The following SMIM9 variants were observed in gnomAD, a reference collection of about 807,000 sequenced individuals.
SMIM9 encodes the protein small integral membrane protein 9.
SMIM9 carries 8 observed loss-of-function variants against 7.2 expected under a neutral mutation model. The observed-to-expected ratio is 1.10, with a 90% confidence interval of 0.65 to 1.99. SMIM9 has a LOEUF of 1.99. SMIM9 is among the 30% of genes most tolerant of loss of function. SMIM9 has a pLI of 0.00. For missense variants in SMIM9, 76 were observed against 69.3 expected, an observed-to-expected ratio of 1.10 and a Z score of -0.34; for synonymous variants, 19 against 26.4, an observed-to-expected ratio of 0.72 and a Z score of 0.86.
At chrX:154,824,085 C>T (rs1557270057) in intron 4 of SMIM9, among the ~76,000 whole-genome samples, 1 of 110,855 alleles carries the variant, frequency 9.0e-6, no homozygotes, top group African/African-American at 3.3e-5. Context: ...GGGCCGGGCG[C>T]GGTGGCTCAC....
chrX:154,833,987 C>T (rs2072456479), intron 1 of SMIM9, among the ~76,000 whole-genome samples: 1 of 111,453 alleles, frequency 9.0e-6, no homozygotes, highest in Non-Finnish European at 1.9e-5. Context: ...ACCCAGCCAA[C>T]AGGCCTGAAT....
chrX:154,824,361 A>AG (rs1415765697), intron 4 of SMIM9, among the ~76,000 whole-genome samples: 1 of 99,366 alleles, frequency 1.0e-5, no homozygotes, highest in Non-Finnish European at 1.9e-5. Flanking sequence ...GTCTCAAAAA[A>AG]AAAAAAAAAA....
intron 2 of SMIM9, among the ~76,000 whole-genome samples, chrX:154,831,672 C>T (rs1266194583): frequency 9.0e-6 from 1 of 111,039 alleles, no homozygotes; most frequent in East Asian, 2.8e-4. Flanking sequence ...TTACTGCTGA[C>T]CACATATCCT....
intron 1 of SMIM9, among the ~76,000 whole-genome samples, chrX:154,833,097 G>C (rs190054868): frequency 4.7e-4 from 52 of 111,089 alleles, no homozygotes; most frequent in Non-Finnish European, 7.9e-4. Flanking sequence ...TCTATGTGTG[G>C]ATATTTTTAT....
At chrX:154,832,388 A>G (rs1170090538) in intron 2 of SMIM9, among the ~76,000 whole-genome samples, 186 bp downstream of exon 2, 1 of 112,150 alleles carries the variant, frequency 8.9e-6, no homozygotes, top group Non-Finnish European at 1.9e-5. Context: ...TTGCTCTGAT[A>G]ATTTCAAGCC....
At chrX:154,824,067 C>T (rs1336321411) in intron 4 of SMIM9, among the ~76,000 whole-genome samples, 1 of 111,099 alleles carries the variant, frequency 9.0e-6, no homozygotes, top group Non-Finnish European at 1.9e-5. Flanking sequence ...GTAGAAAGAT[C>T]AGAAAGTGGG....
chrX:154,832,898 T>C (rs782596801), intron 1 of SMIM9, among the ~76,000 whole-genome samples: 2 of 112,443 alleles, frequency 1.8e-5, no homozygotes, highest in South Asian at 7.3e-4. Context: ...GGTATCTAAC[T>C]ATGCATTATA....
chrX:154,829,665 C>T lies in SMIM9; in HGVS notation c.143-1G>A. 1 of 1,167,282 alleles carries T rather than the reference C, an allele frequency of 8.6e-7. No homozygotes were observed. Among genetic ancestry groups the T allele is most frequent in the South Asian group, 1.9e-5 (1 of 52,650 alleles). ...TTGTTCAGCCAGGACCTGTGATTACCTGCAGAAAGAGCATAGACATTCATT... is the reference window on the plus strand; with the variant it reads ...TTGTTCAGCCAGGACCTGTGATTACTTGCAGAAAGAGCATAGACATTCATT... On this transcript the variant is annotated splice_acceptor_variant, in intron 3 of 4. Transcript: ENST00000369529. LOFTEE classifies it high-confidence loss of function.
chrX:154,830,849 G>A lies in SMIM9; in HGVS notation c.8C>T (p.Pro3Leu). ...AAATCCAATTATCAGCAGCTTCTGG[G>A]GTTCCATGGACTCCCGCCTTCAGCT... Reference protein sequence around the residue: MEPQKLLIIGFLL... With the variant: MELQKLLIIGFLL... The change falls in exon 3 of 5, where the codon CCC becomes CTC. Residue 3 changes from proline (P) to leucine (L), a missense_variant. Pro to Leu is a moderately conservative substitution (Grantham distance 98). Coordinates refer to ENST00000369529, the MANE Select transcript of SMIM9 (RefSeq NM_001162936.4). 8.6e-7 allele frequency: 1 copy of A among 1,166,308 alleles called. No individual in the cohort carries two copies. The highest frequency in any genetic ancestry group is 1.1e-6 in the Non-Finnish European group (1 of 872,244).
chrX:154,830,669 T>G (rs1056125197), intron 3 of SMIM9, 46 bp downstream of exon 3: 6 of 1,146,868 alleles, frequency 5.2e-6, no homozygotes, highest in Non-Finnish European at 5.8e-6. Flanking sequence ...AACATGAATC[T>G]TAAGTCCTAT....
At chrX:154,826,391 C>T (rs1435501422) in intron 4 of SMIM9, among the ~76,000 whole-genome samples, 1 of 110,181 alleles carries the variant, frequency 9.1e-6, no homozygotes, top group African/African-American at 3.3e-5. Context: ...TTTGGTATAC[C>T]TTATCTGCCC....
At chrX:154,828,213 G>C (rs2072429575) in intron 4 of SMIM9, among the ~76,000 whole-genome samples, 1 of 111,761 alleles carries the variant, frequency 8.9e-6, no homozygotes, top group African/African-American at 3.3e-5. Flanking sequence ...CAGAGTATCT[G>C]GGTGATGCTT....
In SMIM9 at chrX:154,834,622, T is replaced by C; in HGVS notation, c.-269A>G. ...GATGAGATTGGAGTCATGTATCTGC[T>C]GGGACTGCAGTCATCTGAAAGCTTG... On this transcript the variant is annotated 5_prime_UTR_variant, in exon 1 of 5. Coordinates refer to ENST00000369529, the MANE Select transcript of SMIM9 (RefSeq NM_001162936.4). 8.9e-6 allele frequency: 1 copy of C among 111,829 alleles called. No homozygotes were observed. The highest frequency in any genetic ancestry group is 4.6e-3 in the Middle Eastern group (1 of 217). The allele number at this position is 111,829 out of a possible 1,213,427, so 9.2% of individuals were successfully genotyped here. A position where few individuals can be genotyped will look rare whatever the true frequency, so the allele number is the denominator to read the frequency against.
At chrX:154,824,993 G>C (rs966804197) in intron 4 of SMIM9, among the ~76,000 whole-genome samples, 2 of 112,394 alleles carry the variant, frequency 1.8e-5, no homozygotes, top group African/African-American at 6.5e-5. Flanking sequence ...GTATTACTGA[G>C]AGTCTACTAT....
At chrX:154,825,636 C>A (rs1443437727) in intron 4 of SMIM9, among the ~76,000 whole-genome samples, 4 of 109,746 alleles carry the variant, frequency 3.6e-5, no homozygotes, top group Non-Finnish European at 7.6e-5. Flanking sequence ...TTTATTGCGG[C>A]ACTATTCACA....
At position 154,830,774 on chromosome X, in the gene SMIM9, G is replaced by A; in HGVS notation, c.83C>T (p.Pro28Leu). ...CLLLETVASS[P>L]LPLSALGIQE... The stretch of plus-strand genomic sequence containing the variant: ...TATTCCCAAGGCAGACAAAGGCAAA[G>A]GAGAGGAAGCTACTGTCTCCAACAA... Residue 28 changes from proline to leucine, a missense_variant, in exon 3 of 5, where the codon CCT (proline) becomes CTT (leucine). By Grantham distance (98) the Pro-to-Leu change is moderately conservative. Transcript: ENST00000369529. 8.6e-7 allele frequency: 1 copy of A among 1,167,819 alleles called. No individual in the cohort carries two copies. Among genetic ancestry groups the A allele is most frequent in the South Asian group, 1.9e-5 (1 of 52,698 alleles).
chrX:154,829,874 T>G lies in SMIM9; in HGVS notation c.143-210A>C, dbSNP rs782507630. 7.1e-5 allele frequency among the ~76,000 whole-genome samples: 8 copies of G among 112,829 alleles called. No individual in the cohort carries two copies. The South Asian group carries it at 2.9e-3, about 41-fold the overall frequency. On this transcript the variant is annotated intron_variant, in intron 3 of 4. Transcript: ENST00000369529. Reference sequence around the variant, plus strand: ...TTAAAGTATCCTGAGATGGATATAATTTTTGCCTCCTTGTAAGTCAAATAG... The same window carrying G: ...TTAAAGTATCCTGAGATGGATATAAGTTTTGCCTCCTTGTAAGTCAAATAG...
intron 4 of SMIM9, among the ~76,000 whole-genome samples, chrX:154,826,838 T>C (rs185101650): frequency 2.7e-5 from 3 of 112,782 alleles, no homozygotes; most frequent in African/African-American, 9.6e-5. Flanking sequence ...TGCTGAGGTA[T>C]GTGTGAGCTC....
At chrX:154,824,364 A>AG (rs1474805210) in intron 4 of SMIM9, among the ~76,000 whole-genome samples, 1 of 101,511 alleles carries the variant, frequency 9.9e-6, no homozygotes, top group East Asian at 2.9e-4. Flanking sequence ...TCAAAAAAAA[A>AG]AAAAAAAAAA....
Sources: gnomAD v4.1 joint callset for allele counts (sites outside exome capture counted in the v4.1 genomes callset) on GRCh38, gnomAD v4.1.1 for gene constraint, MANE v1.5 for transcripts, NCBI Gene and HGNC (gene_info 2026-07-23, HGNC 2026-07-21) for gene names.